Variants in ODAD1 observed in about 807,000 individuals in gnomAD.
ODAD1 encodes the protein outer dynein arm-docking complex subunit 1.
ODAD1 carries 49 observed loss-of-function variants against 67.2 expected under a neutral mutation model. The observed-to-expected ratio is 0.73, with a 90% CI of 0.58 to 0.92. The LOEUF is 0.92. ODAD1 is among the 40% of genes least tolerant of loss of function. The pLI, the probability that ODAD1 is intolerant of heterozygous loss-of-function variation, is 0.00. For missense variants in ODAD1, 897 were observed against 953.7 expected, an observed-to-expected ratio of 0.94 and a Z score of 0.78; for synonymous variants, 345 against 393.7, an observed-to-expected ratio of 0.88 and a Z score of 1.46.
At chr19:48,301,969 G>GA (rs1313984478) in intron 12 of ODAD1, among the ~76,000 whole-genome samples, 1 of 151,920 alleles carries the variant, frequency 6.6e-6, no homozygotes, top group Admixed American at 6.6e-5. Flanking sequence ...ATATGGGACA[G>GA]ATGGAGGTAT....
chr19:48,314,631 CT>C (rs2147331619), intron 5 of ODAD1, among the ~76,000 whole-genome samples: 1 of 152,208 alleles, frequency 6.6e-6, no homozygotes, highest in South Asian at 2.1e-4. Context: ...TCAGCAGTTG[CT>C]GCAATAAAAG....
At chr19:48,316,439 C>T (rs78053243) in intron 5 of ODAD1, among the ~76,000 whole-genome samples, 2,350 of 151,944 alleles carry the variant, frequency 0.015, 67 homozygotes, top group African/African-American at 0.054. Context: ...GTGTGCCATT[C>T]CACATTCCCA....
Position 48,297,487 on chromosome 19 carries a change from C to A in ODAD1, c.1613G>T (p.Arg538Leu). The A allele has an allele frequency of 6.2e-7, 1 of 1,602,974 alleles. No homozygotes were observed. Among genetic ancestry groups the A allele is most frequent in the Non-Finnish European group, 8.5e-7 (1 of 1,176,878 alleles). The change falls in exon 16 of 16, where the codon CGC becomes CTC. Residue 538 changes from arginine (R) to leucine (L), a missense_variant. Arg to Leu is a moderately radical substitution (Grantham distance 102). Coordinates refer to ENST00000674294, the MANE Select transcript of ODAD1 (RefSeq NM_001364171.2). ...GGCGGCGGCGGCCAGGTCCTTCTGG[C>A]GCTGCGCCTCCGCCTGCTCCTGGAG... ...VELQEQAEAQ[R>L]QKDLAAAAAK... is the part of the protein sequence containing the mutation.
chr19:48,321,052 C>A (rs182978434), intron 1 of ODAD1, among the ~76,000 whole-genome samples: 201 of 152,290 alleles, frequency 1.3e-3, no homozygotes, highest in African/African-American at 4.6e-3. Context: ...ACCTGGCCAA[C>A]ATGGTGAAAC....
At chr19:48,315,943 C>G (rs772447494) in intron 5 of ODAD1, among the ~76,000 whole-genome samples, 1 of 152,142 alleles carries the variant, frequency 6.6e-6, no homozygotes, top group African/African-American at 2.4e-5. Flanking sequence ...TTTCAGTTTT[C>G]GATTTTACAA....
At chr19:48,318,636 AGGCAG>A in intron 4 of ODAD1, 60 bp from the exon 5 acceptor site, 1 of 1,541,284 alleles carries the variant, frequency 6.5e-7, no homozygotes, top group Non-Finnish European at 8.8e-7. Flanking sequence ...GCATCACTAA[AGGCAG>A]GACCCAGGAG....
chr19:48,297,335 T>C lies in ODAD1; in HGVS notation c.1765A>G (p.Arg589Gly). The C allele has an allele frequency of 1.2e-6, 2 of 1,612,724 alleles. No homozygotes were observed. Among genetic ancestry groups the C allele is most frequent in the Non-Finnish European group, 1.7e-6 (2 of 1,179,980 alleles). The change falls in exon 16 of 16, where the codon AGA (arginine) becomes GGA (glycine). Residue 589 changes from arginine to glycine, a missense_variant. By Grantham distance (125) the Arg-to-Gly change is moderately radical (BLOSUM62 -2). Transcript: ENST00000674294. Reference sequence around the variant, plus strand: ...ACGTGGCCAAGAGAGCCACGGTCTCTGCTAGTCTTGTGGCTCAAAATGGAC... The same window carrying C: ...ACGTGGCCAAGAGAGCCACGGTCTCCGCTAGTCTTGTGGCTCAAAATGGAC... ...PGSILSHKTSRDRGSLGHVTF... is the reference protein window; with the variant it reads ...PGSILSHKTSGDRGSLGHVTF...
intron 8 of ODAD1, among the ~76,000 whole-genome samples, chr19:48,304,430 C>T (rs1232377776): frequency 1.3e-5 from 2 of 152,240 alleles, no homozygotes; most frequent in East Asian, 3.9e-4. Flanking sequence ...ACCAGCCTGG[C>T]CAACATGGTG....
At chr19:48,319,527 C>G in intron 3 of ODAD1, 5 of 674,282 alleles carry the variant, frequency 7.4e-6, no homozygotes, top group Non-Finnish European at 9.2e-6. Flanking sequence ...TTGGCAATGT[C>G]TGGAGACTTA....
chr19:48,318,615 G>A, intron 4 of ODAD1, 39 bp from the exon 5 acceptor site: 1 of 1,545,446 alleles, frequency 6.5e-7, no homozygotes, highest in Non-Finnish European at 8.8e-7. Context: ...CCAGTAAGGG[G>A]GCAGAACTCA....
chr19:48,313,289 G>A (rs1339422652), intron 5 of ODAD1, among the ~76,000 whole-genome samples: 7 of 151,892 alleles, frequency 4.6e-5, no homozygotes, highest in Non-Finnish European at 7.4e-5. Context: ...TTAGCAAGGC[G>A]TGGTGGCAGG....
chr19:48,308,301 A>G (rs575342739), intron 7 of ODAD1, among the ~76,000 whole-genome samples: 102 of 152,164 alleles, frequency 6.7e-4, no homozygotes, highest in African/African-American at 2.3e-3. Flanking sequence ...CAGCCTCCCA[A>G]GTAGCTGGGA....
At chr19:48,305,193 TGAGA>T (rs112781864) in intron 8 of ODAD1, among the ~76,000 whole-genome samples, 102 of 151,670 alleles carry the variant, frequency 6.7e-4, no homozygotes, top group African/African-American at 2.3e-3. Context: ...AGGGATGGAG[TGAGA>T]GAGAGAGCAT....
Position 48,297,662 on chromosome 19 carries a change from G to GTCT in ODAD1, c.1506_1508dup (p.Glu502dup). 1 of 1,510,790 alleles carries GTCT rather than the reference G, an allele frequency of 6.6e-7. No homozygotes were observed. The highest frequency in any genetic ancestry group is 8.8e-7 in the Non-Finnish European group (1 of 1,130,644). The allele number at this position is 1,510,790 out of a possible 1,614,324, so 93.6% of individuals were successfully genotyped here. On this transcript the variant is annotated inframe_insertion, in exon 15 of 16. Transcript: ENST00000674294. Reference sequence around the variant, plus strand: ...CATCGCTGGCCTCAAAACCCGGGGGGTCTTCTCTGGGGAGGGGAAGGAAAA... The same window carrying GTCT: ...CATCGCTGGCCTCAAAACCCGGGGGGTCTTCTTCTCTGGGGAGGGGAAGGAAAA...
Position 48,302,912 on chromosome 19 carries a change from G to C in ODAD1, c.1072-50C>G, listed in dbSNP as rs563921813. ...GGCCAGATGGCAGCCTCGGGAGTTGGGGGTGTGGAGCTAGGAAGAAGCAGG... is the reference window on the plus strand; with the variant it reads ...GGCCAGATGGCAGCCTCGGGAGTTGCGGGTGTGGAGCTAGGAAGAAGCAGG... On this transcript the variant is annotated intron_variant, in intron 11 of 15. Transcript: ENST00000674294. 6.0e-5 allele frequency: 96 copies of C among 1,612,588 alleles called. 1 individual carries two copies. The South Asian group carries it at 9.9e-4, about 17-fold the overall frequency.
At chr19:48,303,883 G>A (rs1433841988) in intron 9 of ODAD1, 70 bp downstream of exon 9, 16 of 1,582,038 alleles carry the variant, frequency 1.0e-5, no homozygotes, top group Middle Eastern at 1.7e-4. Context: ...CCTGGGGCAC[G>A]AAGGTGTGCT....
intron 12 of ODAD1, among the ~76,000 whole-genome samples, chr19:48,300,414 G>A (rs1389254356): frequency 6.6e-6 from 1 of 151,486 alleles, no homozygotes; most frequent in Admixed American, 6.6e-5. Context: ...CTTCAATGTG[G>A]GAGTTCAAAC....
rs947350181 is a variant in ODAD1 at position 48,312,025 on chromosome 19, C to T, written c.452G>A (p.Arg151Lys). The change falls in exon 6 of 16, where the codon AGG becomes AAG. Residue 151 changes from arginine (R) to lysine (K), a missense_variant. By Grantham distance (26) the Arg-to-Lys change is conservative. Transcript: ENST00000674294. ...CAACTGGTTTTCTAGGATCCTGATCCTTCGCCTGATCTTGACCTTCTGATC... is the reference window on the plus strand; with the variant it reads ...CAACTGGTTTTCTAGGATCCTGATCTTTCGCCTGATCTTGACCTTCTGATC... ...ILDQKVKIRR[R>K]IRILENQLDR... is the part of the protein sequence containing the mutation. The T allele has an allele frequency of 5.8e-6, 9 of 1,551,476 alleles. No individual in the cohort carries two copies. Among genetic ancestry groups the T allele is most frequent in the Admixed American group, 2.0e-5 (1 of 50,982 alleles).
chr19:48,321,846 G>A lies in ODAD1; in HGVS notation c.-232C>T. 1 of 398,334 alleles carries A rather than the reference G, an allele frequency of 2.5e-6. No homozygotes were observed. The highest frequency in any genetic ancestry group is 3.6e-5 in the East Asian group (1 of 28,062). 24.7% of individuals were successfully genotyped at this position (398,334 alleles called of 1,614,324 possible). ...AGGAAGGAAGGCGGTGTCGAAGCCGGGAGTTGCGCGGAGAAGGAGCGCTCA... is the reference window on the plus strand; with the variant it reads ...AGGAAGGAAGGCGGTGTCGAAGCCGAGAGTTGCGCGGAGAAGGAGCGCTCA... On this transcript the variant is annotated 5_prime_UTR_variant, in exon 1 of 16. Coordinates refer to ENST00000674294, the MANE Select transcript of ODAD1 (RefSeq NM_001364171.2).
Sources: gnomAD v4.1 joint callset for allele counts (sites outside exome capture counted in the v4.1 genomes callset) on GRCh38, gnomAD v4.1.1 for gene constraint, MANE v1.5 for transcripts, NCBI Gene and HGNC (gene_info 2026-07-23, HGNC 2026-07-21) for gene names.